Variants in GRHL1 observed in about 807,000 individuals in gnomAD.
GRHL1 encodes the protein grainyhead like transcription factor 1.
In GRHL1, 38 loss-of-function variants were observed where a neutral mutation model predicts 75.7. That is an observed-to-expected ratio of 0.50 (90% CI 0.39 to 0.66). The LOEUF is 0.66. Among genes scored for constraint, GRHL1 ranks in the 30% least tolerant of loss-of-function variants. GRHL1 has a pLI of 0.00. For synonymous variants in GRHL1, 266 were observed against 279.4 expected (o/e 0.95, Z 0.48); for missense variants, 589 against 767.5 (o/e 0.77, Z 2.75).
At chr2:9,971,557 C>G (rs1667724382) in intron 8 of GRHL1, among the ~76,000 whole-genome samples, 1 of 152,208 alleles carries the variant, frequency 6.6e-6, no homozygotes, top group African/African-American at 2.4e-5. Context: ...AAGGAAAACT[C>G]AAGGTATAGC....
At chr2:9,953,247 G>T (rs1447915303) in intron 1 of GRHL1, among the ~76,000 whole-genome samples, 1 of 152,224 alleles carries the variant, frequency 6.6e-6, no homozygotes, top group African/African-American at 2.4e-5. Context: ...AAGGGAAGTT[G>T]AAAACTAGCA....
chr2:9,995,598 A>C (rs952918775), intron 12 of GRHL1, among the ~76,000 whole-genome samples: 3 of 146,112 alleles, frequency 2.1e-5, no homozygotes, highest in African/African-American at 5.1e-5. Flanking sequence ...AAAAAAAAAA[A>C]AAACCAAAGC....
chr2:9,998,717 TAC>T lies in GRHL1; in HGVS notation c.1678-242_1678-241del, dbSNP rs1247768171. Among the ~76,000 whole-genome samples, 148 of 57,918 alleles carry T rather than the reference TAC, an allele frequency of 2.6e-3. 6 individuals are homozygous for T. The highest frequency in any genetic ancestry group is 0.011 in the African/African-American group (96 of 8,736). 38.0% of individuals were successfully genotyped at this position (57,918 alleles called of 152,430 possible). A position where few individuals can be genotyped will look rare whatever the true frequency, so the allele number is the denominator to read the frequency against. On this transcript the variant is annotated intron_variant, in intron 14 of 15. Transcript: ENST00000324907. ...ACACACATATATATACATATATATG[TAC>T]ACACATATATACGTATATATGTACA...
At chr2:9,952,064 C>G (rs1241788172) in intron 1 of GRHL1, among the ~76,000 whole-genome samples, 1 of 151,606 alleles carries the variant, frequency 6.6e-6, no homozygotes, top group Non-Finnish European at 1.5e-5. Flanking sequence ...AGGAGAGACC[C>G]TGTCCTCGGG....
chr2:9,964,464 C>T, intron 7 of GRHL1, 118 bp downstream of exon 7: 1 of 639,916 alleles, frequency 1.6e-6, no homozygotes, highest in Non-Finnish European at 2.8e-6. Flanking sequence ...TTTATGCCAG[C>T]TACTGATCTG....
At chr2:9,985,024 C>T (rs1334650314) in intron 8 of GRHL1, among the ~76,000 whole-genome samples, 1 of 150,202 alleles carries the variant, frequency 6.7e-6, no homozygotes, top group Non-Finnish European at 1.5e-5. Flanking sequence ...GCTGAGATCA[C>T]ACCACCACAC....
Position 9,990,202 on chromosome 2 carries a change from G to A in GRHL1, c.1270-494G>A, listed in dbSNP as rs1668581965. Among the ~76,000 whole-genome samples the A allele has an allele frequency of 1.3e-5, 2 of 151,812 alleles. No individual in the cohort carries two copies. The highest frequency in any genetic ancestry group is 2.9e-5 in the Non-Finnish European group (2 of 67,954). On this transcript the variant is annotated intron_variant, in intron 9 of 15. Coordinates refer to ENST00000324907, the MANE Select transcript of GRHL1 (RefSeq NM_198182.3). The surrounding 1 kb of genome is among the most constrained non-coding windows in gnomAD (Gnocchi z 4.2). ...TTCGCTTTGTCACCCAGGCTGGAGT[G>A]CAGTGGTGTGATCTCAGCTCACTGC... is the stretch of plus-strand genomic sequence containing the variant.
chr2:9,955,232 G>A, intron 2 of GRHL1, 131 bp downstream of exon 2: 1 of 625,852 alleles, frequency 1.6e-6, no homozygotes. Context: ...AGTTTAATGA[G>A]TACTTTGACT....
intron 4 of GRHL1, among the ~76,000 whole-genome samples, 172 bp downstream of exon 4, chr2:9,961,608 A>G (rs1044483494): frequency 5.9e-5 from 9 of 152,216 alleles, no homozygotes; most frequent in African/African-American, 1.9e-4. Flanking sequence ...AACTAAACCT[A>G]TACAACCAGA....
intron 8 of GRHL1, among the ~76,000 whole-genome samples, chr2:9,976,860 G>A (rs1016410198): frequency 2.0e-5 from 3 of 152,228 alleles, no homozygotes; most frequent in African/African-American, 7.2e-5. Context: ...TACAGGTGGG[G>A]TACAAAGTAT....
intron 3 of GRHL1, 117 bp downstream of exon 3, chr2:9,958,973 G>C: frequency 5.6e-6 from 8 of 1,419,086 alleles, no homozygotes; most frequent in Non-Finnish European, 7.5e-6. Flanking sequence ...AGGTAAGTTG[G>C]ACTCTTACTA....
intron 10 of GRHL1, among the ~76,000 whole-genome samples, chr2:9,991,797 TA>T (rs1668655621): frequency 6.6e-6 from 1 of 152,228 alleles, no homozygotes; most frequent in South Asian, 2.1e-4. Context: ...TTTGATTTGA[TA>T]AGACATTCAG....
At chr2:9,964,068 T>C in intron 6 of GRHL1, 26 bp downstream of exon 6, 1 of 1,602,774 alleles carries the variant, frequency 6.2e-7, no homozygotes, top group Non-Finnish European at 8.5e-7. Context: ...AGTCCTGTTC[T>C]CTAGGAAAGC....
rs1194337557 is a variant in GRHL1 at position 10,001,750 on chromosome 2, T to C, written c.*1043T>C. The stretch of plus-strand genomic sequence containing the variant: ...TTTTGTTATGCTAGTATCAGTCAGA[T>C]GCACTTAGAGTGAAGAAACACTGTA... On this transcript the variant is annotated 3_prime_UTR_variant, in exon 16 of 16. Coordinates refer to ENST00000324907, the MANE Select transcript of GRHL1 (RefSeq NM_198182.3). The C allele has an allele frequency of 6.6e-6, 1 of 152,294 alleles. No individual in the cohort carries two copies. The highest frequency in any genetic ancestry group is 1.5e-5 in the Non-Finnish European group (1 of 68,042). The allele number at this position is 152,294 out of a possible 1,614,324, so 9.4% of individuals were successfully genotyped here.
At chr2:9,974,649 A>T (rs192149156) in intron 8 of GRHL1, among the ~76,000 whole-genome samples, 170 of 152,308 alleles carry the variant, frequency 1.1e-3, no homozygotes, top group Non-Finnish European at 2.2e-3. Context: ...TCTCTGTCTC[A>T]TTATTGACCA....
intron 14 of GRHL1, among the ~76,000 whole-genome samples, chr2:9,997,391 C>A (rs532792231): frequency 1.3e-5 from 2 of 152,280 alleles, no homozygotes; most frequent in East Asian, 1.9e-4. Context: ...CGCCCCAAGT[C>A]CACGGGTGTC....
rs1444467512 is a variant in GRHL1, at chr2:9,992,777, G to C, written c.1462-430G>C. Among the ~76,000 whole-genome samples, 1 of 152,216 alleles carries C rather than the reference G, an allele frequency of 6.6e-6. No individual in the cohort carries two copies. Among genetic ancestry groups the C allele is most frequent in the Non-Finnish European group, 1.5e-5 (1 of 68,030 alleles). On this transcript the variant is annotated intron_variant, in intron 11 of 15. Transcript: ENST00000324907. This position sits in a 1 kb window ranked among gnomAD's most constrained non-coding sequence, Gnocchi z 4.6. ...TTATAAGGACTAAAGATTCGTCAGA[G>C]TTCTTGGGGCCATGGCCAGTACATT...
intron 8 of GRHL1, chr2:9,966,400 C>G (rs183690247): frequency 3.7e-4 from 50 of 134,602 alleles, no homozygotes; most frequent in South Asian, 6.8e-4. Context: ...CCTGTCCCCC[C>G]CAAAAAAAAG....
chr2:9,981,167 C>A (rs1668181586), intron 8 of GRHL1, among the ~76,000 whole-genome samples: 1 of 152,234 alleles, frequency 6.6e-6, no homozygotes, highest in South Asian at 2.1e-4. Flanking sequence ...TTAAACAAAA[C>A]TGTTCAGTTG....
Sources: gnomAD v4.1 joint callset for allele counts (sites outside exome capture counted in the v4.1 genomes callset) on GRCh38, gnomAD v4.1.1 for gene constraint, Gnocchi (gnomAD v3.1) non-coding constraint, MANE v1.5 for transcripts, NCBI Gene and HGNC (gene_info 2026-07-23, HGNC 2026-07-21) for gene names.